Variants in SLC14A2 observed in about 807,000 individuals in gnomAD.
The protein encoded by SLC14A2 is urea transporter 2.
In SLC14A2, 91 loss-of-function variants were observed where a neutral mutation model predicts 104.6. The ratio of observed to expected loss-of-function variants is 0.87; its 90% CI spans 0.73 to 1.04. The LOEUF is 1.04. Among genes scored for constraint, SLC14A2 ranks in the 50% least tolerant of loss-of-function variants. The pLI, the probability that SLC14A2 is intolerant of heterozygous loss-of-function variation, is 0.00. For synonymous variants in SLC14A2, 476 were observed against 466.4 expected, an observed-to-expected ratio of 1.02 and a Z score of -0.27; for missense variants, 1,189 against 1,156.0, an observed-to-expected ratio of 1.03 and a Z score of -0.41.
intron 2 of SLC14A2, among the ~76,000 whole-genome samples, chr18:45,499,002 C>T (rs2043147717): frequency 6.6e-6 from 1 of 152,166 alleles, no homozygotes; most frequent in African/African-American, 2.4e-5. Flanking sequence ...TGGACCCAGC[C>T]CCTTAAAACT....
chr18:45,661,537 T>C (rs2045937161), intron 10 of SLC14A2, among the ~76,000 whole-genome samples: 1 of 152,226 alleles, frequency 6.6e-6, no homozygotes, highest in African/African-American at 2.4e-5. Flanking sequence ...TTGCCAGGAT[T>C]AATGAACTGT....
chr18:45,186,201 T>C, the SLC14A2 span, among the ~76,000 whole-genome samples: 1 of 152,184 alleles, frequency 6.6e-6, no homozygotes, highest in Admixed American at 6.5e-5. Flanking sequence ...AGTAATAACA[T>C]TATGTGATTT....
rs148964498 is a variant in SLC14A2, at chr18:45,668,426, G to T, written c.1985G>T (p.Gly662Val). ...GLLMAVFSDK[G>V]DYYWWLLLPV... is the part of the protein sequence containing the mutation. ...CTGATGGCCGTGTTCTCAGACAAAG[G>T]TGACTACTACTGGTGGCTGTTGCTA... is the stretch of plus-strand genomic sequence containing the variant. The change falls in exon 15 of 20, where the codon GGT becomes GTT. Residue 662 changes from glycine (G) to valine (V), a missense_variant. Gly to Val is a moderately radical substitution (Grantham distance 109). Coordinates refer to ENST00000255226, the MANE Select transcript of SLC14A2 (RefSeq NM_007163.4). 6.2e-7 allele frequency: 1 copy of T among 1,614,170 alleles called. No individual in the cohort carries two copies. The highest frequency in any genetic ancestry group is 2.2e-5 in the East Asian group (1 of 44,872).
intron 2 of SLC14A2, among the ~76,000 whole-genome samples, chr18:45,579,016 G>A (rs568559823): frequency 7.2e-5 from 11 of 152,324 alleles, no homozygotes; most frequent in African/African-American, 2.4e-4. Flanking sequence ...TCTGCTCCAT[G>A]TGGTCTTTCA....
At chr18:45,339,420 G>A (rs1391864897) in intron 1 of SLC14A2, among the ~76,000 whole-genome samples, 2 of 152,184 alleles carry the variant, frequency 1.3e-5, no homozygotes, top group Admixed American at 6.5e-5. Flanking sequence ...CTGAATGCCT[G>A]CAGTAGGTGC....
At chr18:45,242,721 A>T (rs1157655015) in intron 1 of SLC14A2, among the ~76,000 whole-genome samples, 1 of 152,230 alleles carries the variant, frequency 6.6e-6, no homozygotes, top group Non-Finnish European at 1.5e-5. Context: ...TTAGGGTCAT[A>T]TCTCTATTAG....
intron 1 of SLC14A2, among the ~76,000 whole-genome samples, chr18:45,223,059 A>G (rs2084078709): frequency 6.6e-6 from 1 of 152,164 alleles, no homozygotes; most frequent in South Asian, 2.1e-4. Flanking sequence ...ACAGAACTAT[A>G]TGCCACGTAC....
intron 1 of SLC14A2, among the ~76,000 whole-genome samples, chr18:45,252,792 C>CTTTTT (rs745363624): frequency 0.13 from 16,956 of 126,496 alleles, 1,468 homozygotes; most frequent in African/African-American, 0.18. Context: ...GCAATATTGA[C>CTTTTT]TTTTTTTTTT....
At chr18:45,588,596 G>T (rs938267507) in intron 2 of SLC14A2, among the ~76,000 whole-genome samples, 3 of 152,334 alleles carry the variant, frequency 2.0e-5, no homozygotes, top group South Asian at 2.1e-4. Context: ...CTGCCAGAGG[G>T]TGTTACTAAA....
the SLC14A2 span, among the ~76,000 whole-genome samples, chr18:45,204,968 C>A: frequency 6.6e-6 from 1 of 152,096 alleles, no homozygotes; most frequent in African/African-American, 2.4e-5. Flanking sequence ...GAGGAAATAC[C>A]TGCCTTGGGT....
At chr18:45,310,114 G>A (rs933232409) in intron 1 of SLC14A2, among the ~76,000 whole-genome samples, 3 of 151,956 alleles carry the variant, frequency 2.0e-5, no homozygotes, top group African/African-American at 4.8e-5. Flanking sequence ...ACTTACTGTC[G>A]ATGGACATTT....
intron 1 of SLC14A2, among the ~76,000 whole-genome samples, chr18:45,338,922 T>G (rs1451694041): frequency 6.6e-6 from 1 of 151,126 alleles, no homozygotes; most frequent in Non-Finnish European, 1.5e-5. Context: ...AAAATTGCTC[T>G]CACTAGATTC....
At chr18:45,654,410 A>G (rs968079568) in intron 10 of SLC14A2, among the ~76,000 whole-genome samples, 2 of 152,122 alleles carry the variant, frequency 1.3e-5, no homozygotes, top group Non-Finnish European at 1.5e-5. Context: ...GATGATCTAG[A>G]TTCCTCCTAC....
chr18:45,606,337 T>C (rs1400365980), intron 2 of SLC14A2, among the ~76,000 whole-genome samples: 1 of 152,138 alleles, frequency 6.6e-6, no homozygotes, highest in East Asian at 1.9e-4. Context: ...CTACAGGTAT[T>C]TTAAGCAGAA....
chr18:45,412,403 T>C (rs2086224854), intron 1 of SLC14A2, among the ~76,000 whole-genome samples: 2 of 152,172 alleles, frequency 1.3e-5, no homozygotes, highest in Non-Finnish European at 1.5e-5. Flanking sequence ...CAGGAAAGTT[T>C]CAGGTCTTCT....
chr18:45,532,853 T>C (rs2144836618), intron 2 of SLC14A2, among the ~76,000 whole-genome samples: 1 of 152,344 alleles, frequency 6.6e-6, no homozygotes, highest in South Asian at 2.1e-4. Flanking sequence ...ATAGCTCATA[T>C]TATTTTGAGA....
intron 2 of SLC14A2, among the ~76,000 whole-genome samples, chr18:45,548,696 C>A (rs1233077230): frequency 2.0e-5 from 3 of 152,266 alleles, no homozygotes; most frequent in African/African-American, 7.2e-5. Context: ...GGAATGAGAT[C>A]CTGAAAACAA....
At chr18:45,303,779 A>AT (rs921595475) in intron 1 of SLC14A2, among the ~76,000 whole-genome samples, 3 of 152,176 alleles carry the variant, frequency 2.0e-5, no homozygotes, top group African/African-American at 7.2e-5. Context: ...ATATGTTATT[A>AT]TTTTTTTCCT....
chr18:45,277,227 C>A (rs1469080869), intron 1 of SLC14A2, among the ~76,000 whole-genome samples: 1 of 152,122 alleles, frequency 6.6e-6, no homozygotes, highest in Non-Finnish European at 1.5e-5. Context: ...GGACAAGTAA[C>A]CATATTTTAT....
Sources: allele counts gnomAD v4.1 joint callset (sites outside exome capture counted in the v4.1 genomes callset), GRCh38; gene constraint gnomAD v4.1.1; transcripts MANE v1.5; gene names NCBI Gene and HGNC (gene_info 2026-07-23, HGNC 2026-07-21).